Variants in ST8SIA6 observed in about 807,000 individuals in gnomAD.
ST8SIA6 encodes alpha-2,8-sialyltransferase 8F.
Under a neutral mutation model 33.6 loss-of-function variants are expected in ST8SIA6, and 39 were observed. The ratio of observed to expected loss-of-function variants is 1.16; its 90% CI spans 0.90 to 1.52. The LOEUF (loss-of-function observed/expected upper bound fraction) is 1.52, where lower values mean the gene tolerates loss of function less well. Ranked by LOEUF, ST8SIA6 falls within the 40% of genes most tolerant of loss-of-function variation. The pLI is 0.00. For missense variants in ST8SIA6, 441 were observed against 443.8 expected (o/e 0.99, Z 0.06); for synonymous variants, 172 against 167.2 (o/e 1.03, Z -0.22).
chr10:17,369,066 T>C (rs189095639), intron 3 of ST8SIA6, among the ~76,000 whole-genome samples: 1 of 152,310 alleles, frequency 6.6e-6, no homozygotes, highest in East Asian at 1.9e-4. Context: ...TGATATGTAG[T>C]TAAAAGTTTT....
intron 4 of ST8SIA6, among the ~76,000 whole-genome samples, chr10:17,334,931 T>C (rs988514171): frequency 1.3e-5 from 2 of 152,208 alleles, no homozygotes; most frequent in Admixed American, 1.3e-4. Flanking sequence ...CTCTTGATAA[T>C]TGTTCCAGGG....
At chr10:17,450,005 G>A (rs1160375040) in intron 2 of ST8SIA6, among the ~76,000 whole-genome samples, 3 of 152,254 alleles carry the variant, frequency 2.0e-5, no homozygotes, top group Admixed American at 6.5e-5. Flanking sequence ...GCAAGTAGAG[G>A]GAGGCCATGA....
At chr10:17,393,282 A>G (rs1036741901) in intron 2 of ST8SIA6, among the ~76,000 whole-genome samples, 4 of 152,312 alleles carry the variant, frequency 2.6e-5, no homozygotes, top group South Asian at 4.1e-4. Context: ...AAGGCAGGTC[A>G]TGGGACTTCT....
chr10:17,445,526 T>C (rs1176054074), intron 2 of ST8SIA6, among the ~76,000 whole-genome samples: 1 of 152,202 alleles, frequency 6.6e-6, no homozygotes, highest in Non-Finnish European at 1.5e-5. Context: ...CCTCCCACCG[T>C]CTGCCTTTCT....
At chr10:17,390,395 C>T in intron 3 of ST8SIA6, 136 bp downstream of exon 3, 1 of 695,612 alleles carries the variant, frequency 1.4e-6, no homozygotes, top group Non-Finnish European at 2.4e-6. Flanking sequence ...TGCTCATTAA[C>T]AGGAGCTTCA....
At chr10:17,435,962 C>T (rs902797429) in intron 2 of ST8SIA6, among the ~76,000 whole-genome samples, 3 of 152,128 alleles carry the variant, frequency 2.0e-5, no homozygotes, top group African/African-American at 4.8e-5. Context: ...TAGGGACCAG[C>T]GGAGGGAAAG....
intron 2 of ST8SIA6, among the ~76,000 whole-genome samples, chr10:17,426,456 A>T (rs1281706132): frequency 6.6e-6 from 1 of 152,224 alleles, no homozygotes; most frequent in African/African-American, 2.4e-5. Flanking sequence ...AGCCAGTGAG[A>T]ACCAGCTTCA....
At chr10:17,388,676 G>T (rs962433609) in intron 3 of ST8SIA6, among the ~76,000 whole-genome samples, 1 of 152,284 alleles carries the variant, frequency 6.6e-6, no homozygotes, top group Admixed American at 6.5e-5. Context: ...ATTATGACAT[G>T]AAAGAAATCA....
chr10:17,363,155 C>G (rs1849448388), intron 3 of ST8SIA6, among the ~76,000 whole-genome samples: 1 of 152,184 alleles, frequency 6.6e-6, no homozygotes, highest in South Asian at 2.1e-4. Context: ...TACAAATCTC[C>G]CCATTTAAAG....
At chr10:17,447,092 T>G (rs1185482340) in intron 2 of ST8SIA6, among the ~76,000 whole-genome samples, 1 of 149,008 alleles carries the variant, frequency 6.7e-6, no homozygotes, top group Non-Finnish European at 1.5e-5. Flanking sequence ...AATCCATGTA[T>G]GAAAAATAAG....
chr10:17,448,773 G>A (rs1346504432), intron 2 of ST8SIA6, among the ~76,000 whole-genome samples: 5 of 147,104 alleles, frequency 3.4e-5, no homozygotes, highest in African/African-American at 7.5e-5. Context: ...CCGCCACCAC[G>A]CCAGGCTAAT....
intron 3 of ST8SIA6, among the ~76,000 whole-genome samples, chr10:17,388,512 T>TGA (rs920621307): frequency 1.3e-5 from 2 of 151,974 alleles, no homozygotes; most frequent in East Asian, 1.9e-4. Flanking sequence ...AGTGTGTGTG[T>TGA]GAGAGAGAGA....
rs200826980 is a variant in ST8SIA6 at position 17,368,407 on chromosome 10, C to CAAAAAAAAAAAAAAAAAAAAAAA, written c.291-8830_291-8808dup. Reference sequence around the variant, plus strand: ...GGGCAACAAGAGTGAAGCTCTGTCTCAAAAAAAAAAAAAAAAAAAAAAAAA... The same window carrying CAAAAAAAAAAAAAAAAAAAAAAA: ...GGGCAACAAGAGTGAAGCTCTGTCTCAAAAAAAAAAAAAAAAAAAAAAAAAAAAAAAAAAAAAAAAAAAAAAAA... On this transcript the variant is annotated intron_variant, in intron 3 of 7. Transcript: ENST00000377602. Among the ~76,000 whole-genome samples, 10 of 72,194 alleles carry CAAAAAAAAAAAAAAAAAAAAAAA rather than the reference C, an allele frequency of 1.4e-4. 1 individual carries two copies. The highest frequency in any genetic ancestry group is 1.8e-4 in the Non-Finnish European group (6 of 33,946). 47.4% of individuals were successfully genotyped at this position (72,194 alleles called of 152,430 possible). A position where few individuals can be genotyped will look rare whatever the true frequency, so the allele number is the denominator to read the frequency against.
At chr10:17,355,662 A>G (rs1328109423) in intron 4 of ST8SIA6, among the ~76,000 whole-genome samples, 2 of 152,132 alleles carry the variant, frequency 1.3e-5, no homozygotes, top group East Asian at 1.9e-4. Flanking sequence ...TTCATTCATT[A>G]TGCTGTCCGA....
At chr10:17,409,902 A>G (rs1851395852) in intron 2 of ST8SIA6, 1 of 152,228 alleles carries the variant, frequency 6.6e-6, no homozygotes, top group African/African-American at 2.4e-5. Flanking sequence ...AACAAAAACC[A>G]TAGAGTGATT....
At chr10:17,364,935 G>C (rs1447663279) in intron 3 of ST8SIA6, among the ~76,000 whole-genome samples, 1 of 152,202 alleles carries the variant, frequency 6.6e-6, no homozygotes, top group African/African-American at 2.4e-5. Context: ...AAAGTTCTGA[G>C]AAGATAAACA....
At chr10:17,379,876 G>A (rs1455074198) in intron 3 of ST8SIA6, among the ~76,000 whole-genome samples, 1 of 152,072 alleles carries the variant, frequency 6.6e-6, no homozygotes, top group Non-Finnish European at 1.5e-5. Flanking sequence ...CTGATTTTCT[G>A]GGTTCACATT....
chr10:17,333,707 ATATATATATATTTTT>A (rs1564405056), intron 4 of ST8SIA6, among the ~76,000 whole-genome samples: 6 of 26,730 alleles, frequency 2.2e-4, no homozygotes, highest in Non-Finnish European at 2.5e-4. Context: ...ATATATATAT[ATATATATATATTTTT>A]TTTTTTTTTT....
At chr10:17,364,811 G>C (rs1350956701) in intron 3 of ST8SIA6, among the ~76,000 whole-genome samples, 1 of 152,188 alleles carries the variant, frequency 6.6e-6, no homozygotes, top group African/African-American at 2.4e-5. Flanking sequence ...CATATTTTCT[G>C]CACACTTACA....
Sources: gnomAD v4.1 joint callset for allele counts (sites outside exome capture counted in the v4.1 genomes callset) on GRCh38, gnomAD v4.1.1 for gene constraint, MANE v1.5 for transcripts, NCBI Gene and HGNC (gene_info 2026-07-23, HGNC 2026-07-21) for gene names.